The following HGS variants were observed in gnomAD, a reference collection of about 807,000 sequenced individuals.
The protein encoded by HGS is hepatocyte growth factor-regulated tyrosine kinase substrate.
HGS carries 63 observed loss-of-function variants against 109.7 expected under a neutral mutation model. The ratio of observed to expected loss-of-function variants is 0.57; its 90% CI spans 0.47 to 0.71. The LOEUF (loss-of-function observed/expected upper bound fraction) is 0.71. HGS is among the 30% of genes least tolerant of loss of function. HGS has a pLI of 0.00. For missense variants in HGS, 995 were observed against 1,068.3 expected (o/e 0.93, Z 0.96); for synonymous variants, 546 against 437.3 (o/e 1.25, Z -3.10).
intron 1 of HGS, chr17:81,685,165 T>A: frequency 1.4e-6 from 1 of 689,776 alleles, no homozygotes; most frequent in Non-Finnish European, 1.8e-6. Flanking sequence ...TGCAGGCCTC[T>A]CTAGCCCTTG....
Position 81,700,656 on chromosome 17 carries a change from C to T in HGS, c.2017-39C>T, listed in dbSNP as rs1598751917. 1.9e-6 allele frequency: 3 copies of T among 1,593,692 alleles called. No individual in the cohort carries two copies. The East Asian group carries it at 6.7e-5, about 36-fold the overall frequency. ...GGGCCAGCCCCAGCCCCAGCCCCAG[C>T]CCCAGCCCCTTCTCCCATGGCACTC... On this transcript the variant is annotated intron_variant, in intron 19 of 21. Transcript: ENST00000329138.
chr17:81,701,859 G>T lies in HGS; in HGVS notation c.*241G>T. ...TGGGGAGGGAAGGACTTTCTCCCAG[G>T]GGAAGCCCCCAGCCCTGTGGGTCAT... On this transcript the variant is annotated 3_prime_UTR_variant, in exon 22 of 22. Transcript: ENST00000329138. The T allele has an allele frequency of 3.9e-6, 2 of 518,558 alleles. No individual in the cohort carries two copies. The highest frequency in any genetic ancestry group is 6.4e-6 in the Non-Finnish European group (2 of 311,384). 32.1% of individuals were successfully genotyped at this position (518,558 alleles called of 1,614,324 possible).
At chr17:81,688,012 G>A (rs1400573121) in intron 4 of HGS, among the ~76,000 whole-genome samples, 1 of 152,226 alleles carries the variant, frequency 6.6e-6, no homozygotes, top group Non-Finnish European at 1.5e-5. Context: ...GAGCCGGTTC[G>A]CTCCTCTGGG....
chr17:81,695,177 A>T lies in HGS; in HGVS notation c.1133A>T (p.Glu378Val). 6.2e-7 allele frequency: 1 copy of T among 1,614,164 alleles called. No homozygotes were observed. The highest frequency in any genetic ancestry group is 8.5e-7 in the Non-Finnish European group (1 of 1,179,996). The change falls in exon 14 of 22, where the codon GAG (glutamate) becomes GTG (valine). Residue 378 changes from glutamate (E) to valine (V), a missense_variant. Physicochemically the swap from Glu to Val is moderately radical, Grantham distance 121. Transcript: ENST00000329138. ...TCTCTCTTCCAGAACCCCCTCCCGG[A>T]GACAGACTCTCAGCCCATTCCTCCC... Reference protein sequence around the residue: ...PTNVVENPLPETDSQPIPPSG... With the variant: ...PTNVVENPLPVTDSQPIPPSG...
At chr17:81,687,196 GA>G in intron 4 of HGS, 101 bp downstream of exon 4, 2 of 796,958 alleles carry the variant, frequency 2.5e-6, no homozygotes, top group Non-Finnish European at 4.2e-6. Flanking sequence ...AGGTGTGGCG[GA>G]AAATGTGCAG....
In HGS at chr17:81,696,461, G is replaced by A. The variant is rs567318549; in HGVS notation, c.1498G>A (p.Glu500Lys). The A allele has an allele frequency of 2.6e-5, 40 of 1,538,800 alleles. No individual in the cohort carries two copies. The highest frequency in any genetic ancestry group is 3.1e-5 in the Non-Finnish European group (36 of 1,143,396). ...CCGGGAGAAGCTTCGCCGGGCAGCC[G>A]AGGAGGCAGAGCGCCAGCGCCAGAT... ...EHREKLRRAAEEAERQRQIQL... is the reference protein window; with the variant it reads ...EHREKLRRAAKEAERQRQIQL... Residue 500 changes from glutamate (E) to lysine (K), a missense_variant, in exon 16 of 22, where the codon GAG becomes AAG. Physicochemically the swap from Glu to Lys is moderately conservative, Grantham distance 56 (BLOSUM62 1). Transcript: ENST00000329138.
rs2144492865 is a variant in HGS, at chr17:81,691,725, A to G, written c.662+154A>G. ...GTCAAGGGAAACCCAGGGTGGCCGCATGCCCTCGGACCCTGCCCCACACTA... is the reference window on the plus strand; with the variant it reads ...GTCAAGGGAAACCCAGGGTGGCCGCGTGCCCTCGGACCCTGCCCCACACTA... On this transcript the variant is annotated intron_variant, in intron 8 of 21. Transcript: ENST00000329138. This position sits in a 1 kb window ranked among gnomAD's most constrained non-coding sequence, Gnocchi z 5.3. 2.6e-5 allele frequency: 25 copies of G among 948,354 alleles called. No homozygotes were observed. Among genetic ancestry groups the G allele is most frequent in the Non-Finnish European group, 4.0e-5 (25 of 631,028 alleles). The allele number at this position is 948,354 out of a possible 1,614,324, so 58.7% of individuals were successfully genotyped here.
intron 10 of HGS, 44 bp from the exon 11 acceptor site, chr17:81,693,826 G>A: frequency 6.4e-7 from 1 of 1,567,490 alleles, no homozygotes; most frequent in East Asian, 2.3e-5. Flanking sequence ...GGCCGGAGGG[G>A]CGTCACGTGC....
chr17:81,696,251 C>G, intron 15 of HGS, 106 bp from the exon 16 acceptor site: 1 of 1,360,144 alleles, frequency 7.4e-7, no homozygotes, highest in Non-Finnish European at 9.7e-7. Flanking sequence ...TCAGAGCCCT[C>G]TGCAGAAGGT....
chr17:81,695,943 T>C lies in HGS; in HGVS notation c.1337T>C (p.Ile446Thr). 1 of 1,587,900 alleles carries C rather than the reference T, an allele frequency of 6.3e-7. No individual in the cohort carries two copies. The highest frequency in any genetic ancestry group is 8.6e-7 in the Non-Finnish European group (1 of 1,163,358). The change falls in exon 15 of 22, where the codon ATC becomes ACC. Residue 446 changes from isoleucine to threonine, a missense_variant. Physicochemically the swap from Ile to Thr is moderately conservative, Grantham distance 89 (BLOSUM62 -1). This residue lies in a region of HGS where 163 missense variants were observed against 217.8 expected (regional missense o/e 0.75). Transcript: ENST00000329138. ...GCCGTGCTCTCACTCTTCCAGTCCA[T>C]CAACGGCATGCACCCGCAGCTGCTG... ...DSAVLSLFQS[I>T]NGMHPQLLEL...
intron 11 of HGS, among the ~76,000 whole-genome samples, chr17:81,694,461 C>G (rs1026128496): frequency 3.9e-5 from 6 of 152,220 alleles, no homozygotes; most frequent in African/African-American, 1.4e-4. Context: ...GTGAGCCACC[C>G]CTTCCCTTCT....
chr17:81,688,234 G>A (rs898990276), intron 4 of HGS, among the ~76,000 whole-genome samples: 9 of 152,188 alleles, frequency 5.9e-5, no homozygotes, highest in African/African-American at 2.2e-4. Flanking sequence ...GCTGCAGGGG[G>A]TCTGGAGCCC....
At position 81,696,382 on chromosome 17, in the gene HGS, G is replaced by A. The variant is rs2037148280; in HGVS notation, c.1419G>A (p.Lys473=). The change falls in exon 16 of 22, where the codon AAG becomes AAA. Residue 473 remains lysine (K), a synonymous_variant. Transcript: ENST00000329138. Reference sequence around the variant, plus strand: ...TGTACTATGAGGGGCTGCAGGACAAGCTGGCACAGATCCGCGATGCCCGGG... The same window carrying A: ...TGTACTATGAGGGGCTGCAGGACAAACTGGCACAGATCCGCGATGCCCGGG... ...RRLYYEGLQD[K]LAQIRDARGA... 6.3e-7 allele frequency: 1 copy of A among 1,590,096 alleles called. No individual in the cohort carries two copies. The highest frequency in any genetic ancestry group is 1.3e-5 in the African/African-American group (1 of 74,706).
intron 1 of HGS, chr17:81,684,843 T>C: frequency 9.5e-6 from 9 of 951,182 alleles, no homozygotes; most frequent in Non-Finnish European, 1.0e-5. Flanking sequence ...GTGAGACACC[T>C]TCCTTGCCAA....
At chr17:81,688,216 A>G (rs1212715253) in intron 4 of HGS, among the ~76,000 whole-genome samples, 2 of 151,354 alleles carry the variant, frequency 1.3e-5, no homozygotes, top group African/African-American at 4.9e-5. Flanking sequence ...TAACCGGGGG[A>G]GAGGATGGCT....
rs1243443917 is a variant in HGS at position 81,691,635 on chromosome 17, C to T, written c.662+64C>T. 3.7e-6 allele frequency: 6 copies of T among 1,603,514 alleles called. No homozygotes were observed. Among genetic ancestry groups the T allele is most frequent in the Non-Finnish European group, 3.4e-6 (4 of 1,173,524 alleles). On this transcript the variant is annotated intron_variant, in intron 8 of 21. Coordinates refer to ENST00000329138, the MANE Select transcript of HGS (RefSeq NM_004712.5). The surrounding 1 kb of genome is among the most constrained non-coding windows in gnomAD (Gnocchi z 5.3). ...GGCTCTCCAGGCTGGGTTTTCTGTC[C>T]CTCTTGGCCATGGTGCCTGAGGCCT... is the stretch of plus-strand genomic sequence containing the variant.
Position 81,693,767 on chromosome 17 carries a change from G to T in HGS, c.840+15G>T, listed in dbSNP as rs772895658. On this transcript the variant is annotated intron_variant, in intron 10 of 21. Transcript: ENST00000329138. The stretch of plus-strand genomic sequence containing the variant: ...AGGAGAGGCTGGTAAGCCGGGTGGG[G>T]CGGGGCGGCCTCAGGAGGGGCCCAG... 3 of 1,538,608 alleles carry T rather than the reference G, an allele frequency of 1.9e-6. No individual in the cohort carries two copies. The East Asian group carries it at 7.1e-5, about 37-fold the overall frequency.
At chr17:81,686,094 C>A (rs190073094) in intron 2 of HGS, among the ~76,000 whole-genome samples, 1 of 152,186 alleles carries the variant, frequency 6.6e-6, no homozygotes, top group African/African-American at 2.4e-5. Flanking sequence ...TCACGCCCGG[C>A]TGATTTTTTG....
At chr17:81,692,754 GGGCAGATCACGA>G (rs1472015336) in intron 8 of HGS, 1 of 151,968 alleles carries the variant, frequency 6.6e-6, no homozygotes, top group Non-Finnish European at 1.5e-5. Flanking sequence ...AGGCTGAGGC[GGGCAGATCACGA>G]GGCCAAGAGA....
Sources: gnomAD v4.1 joint callset for allele counts (sites outside exome capture counted in the v4.1 genomes callset) on GRCh38, gnomAD v4.1.1 for gene constraint, gnomAD v4.1.1 regional missense constraint, Gnocchi (gnomAD v3.1) non-coding constraint, MANE v1.5 for transcripts, NCBI Gene and HGNC (gene_info 2026-07-23, HGNC 2026-07-21) for gene names.